Variants in SEMA6A observed in about 807,000 individuals in gnomAD.
SEMA6A encodes semaphorin 6A, also known as semaphorin-6A.
In SEMA6A, 25 loss-of-function variants were observed where a neutral mutation model predicts 96.8. The observed-to-expected ratio is 0.26, with a 90% CI of 0.19 to 0.36. The LOEUF is 0.36. Among genes scored for constraint, SEMA6A ranks in the 10% least tolerant of loss-of-function variants. The pLI is 1.00. For missense variants in SEMA6A, 1,363 were observed against 1,323.1 expected (o/e 1.03, Z -0.47); for synonymous variants, 612 against 518.0 (o/e 1.18, Z -2.46).
intron 1 of SEMA6A, among the ~76,000 whole-genome samples, chr5:116,525,829 C>T (rs1204781959): frequency 2.0e-5 from 3 of 152,106 alleles, no homozygotes; most frequent in Non-Finnish European, 2.9e-5. Flanking sequence ...AGGGAGGGGC[C>T]GTTTTACTTC....
chr5:116,490,452 A>G (rs563292319), intron 7 of SEMA6A, among the ~76,000 whole-genome samples: 6 of 152,300 alleles, frequency 3.9e-5, no homozygotes, highest in African/African-American at 1.4e-4. Context: ...CCAAGGCCCC[A>G]ACTAATGCAG....
chr5:116,504,165 T>C (rs1472848235), intron 2 of SEMA6A, among the ~76,000 whole-genome samples: 1 of 152,118 alleles, frequency 6.6e-6, no homozygotes, highest in Non-Finnish European at 1.5e-5. Flanking sequence ...AAAAAAATGC[T>C]CTCTTACATT....
chr5:116,572,640 A>C (rs1281973987), intron 1 of SEMA6A, among the ~76,000 whole-genome samples: 1 of 152,126 alleles, frequency 6.6e-6, no homozygotes, highest in African/African-American at 2.4e-5. Context: ...CCTTCCCCAC[A>C]GCCTCTGTCC....
At chr5:116,526,104 G>T (rs1287459200) in intron 1 of SEMA6A, among the ~76,000 whole-genome samples, 1 of 151,934 alleles carries the variant, frequency 6.6e-6, no homozygotes, top group Non-Finnish European at 1.5e-5. Flanking sequence ...TGGAGGGATG[G>T]CTCTTATTGG....
rs1342871360 is a variant in SEMA6A, at chr5:116,480,178, C to T, written c.1194G>A (p.Met398Ile). The change falls in exon 12 of 19, where the codon ATG (methionine) becomes ATA (isoleucine). Residue 398 changes from methionine (M) to isoleucine (I), a missense_variant. Physicochemically the swap from Met to Ile is conservative, Grantham distance 10. Transcript: ENST00000343348. ...TGAAGATGGAGGGCACTGCCTCATC[C>T]ATGAGCGGGTGCGTCTTGATGAAGT... Reference protein sequence around the residue: ...TLNFIKTHPLMDEAVPSIFNR... With the variant: ...TLNFIKTHPLIDEAVPSIFNR... 5.0e-6 allele frequency: 8 copies of T among 1,613,740 alleles called. No individual in the cohort carries two copies. Among genetic ancestry groups the T allele is most frequent in the African/African-American group, 1.3e-5 (1 of 74,936 alleles).
intron 1 of SEMA6A, among the ~76,000 whole-genome samples, chr5:116,551,869 G>A (rs1163792469): frequency 6.6e-6 from 1 of 152,172 alleles, no homozygotes; most frequent in Non-Finnish European, 1.5e-5. Flanking sequence ...AGTGTGTCTG[G>A]ACTGACAATG....
intron 1 of SEMA6A, among the ~76,000 whole-genome samples, chr5:116,548,788 A>G (rs1426128408): frequency 6.6e-6 from 1 of 152,220 alleles, no homozygotes; most frequent in Non-Finnish European, 1.5e-5. Context: ...TGTTCTGCAA[A>G]AGAGTTTTAT....
At chr5:116,544,162 TC>T (rs1393732255) in intron 1 of SEMA6A, among the ~76,000 whole-genome samples, 1 of 152,202 alleles carries the variant, frequency 6.6e-6, no homozygotes, top group African/African-American at 2.4e-5. Flanking sequence ...CTGAGACATT[TC>T]CTTTCTGATC....
intron 10 of SEMA6A, chr5:116,486,504 A>T (rs1367902387): frequency 1.1e-5 from 5 of 441,398 alleles, no homozygotes; most frequent in African/African-American, 2.0e-5. Flanking sequence ...GTGTTTATAT[A>T]CCAGGCTTAT....
At chr5:116,520,194 A>G (rs766332330) in intron 1 of SEMA6A, among the ~76,000 whole-genome samples, 1 of 151,474 alleles carries the variant, frequency 6.6e-6, no homozygotes, top group Non-Finnish European at 1.5e-5. Flanking sequence ...TCTTTCTTCC[A>G]AGATCATAAA....
chr5:116,473,023 T>G (rs1408008586), intron 17 of SEMA6A, 50 bp downstream of exon 17: 1 of 1,561,774 alleles, frequency 6.4e-7, no homozygotes, highest in Admixed American at 1.9e-5. Flanking sequence ...ATAGACATTC[T>G]CAGATAGGTT....
At chr5:116,561,782 T>G (rs1487892098) in intron 1 of SEMA6A, among the ~76,000 whole-genome samples, 1 of 152,192 alleles carries the variant, frequency 6.6e-6, no homozygotes, top group African/African-American at 2.4e-5. Flanking sequence ...AGGTTTTGTG[T>G]TTTTGACACA....
At chr5:116,517,293 C>CA (rs11400626) in intron 1 of SEMA6A, among the ~76,000 whole-genome samples, 17,630 of 139,636 alleles carry the variant, frequency 0.13, 1,176 homozygotes, top group South Asian at 0.24. Flanking sequence ...TAAAAAATTT[C>CA]AAAAAAAAAA....
intron 1 of SEMA6A, among the ~76,000 whole-genome samples, chr5:116,505,458 C>T (rs1319591541): frequency 2.4e-4 from 19 of 79,170 alleles, no homozygotes; most frequent in African/African-American, 7.7e-4. Context: ...CACACGCACG[C>T]GCACACACAC....
chr5:116,567,236 G>C (rs1761057219), intron 1 of SEMA6A, among the ~76,000 whole-genome samples: 1 of 151,932 alleles, frequency 6.6e-6, no homozygotes, highest in Non-Finnish European at 1.5e-5. Flanking sequence ...CTGTTTCCCT[G>C]CAAGTGATGT....
At chr5:116,573,661 C>T (rs2112931209) in intron 1 of SEMA6A, among the ~76,000 whole-genome samples, 1 of 151,850 alleles carries the variant, frequency 6.6e-6, no homozygotes, top group Middle Eastern at 3.4e-3. Context: ...AAAAGATTCT[C>T]TCCGCTTCCA....
chr5:116,502,090 T>A, intron 3 of SEMA6A, 120 bp downstream of exon 3: 1 of 709,264 alleles, frequency 1.4e-6, no homozygotes, highest in Non-Finnish European at 2.4e-6. Context: ...AAGGAGGCTT[T>A]AAGTTAAATA....
chr5:116,474,241 A>T (rs1226134565), intron 16 of SEMA6A, among the ~76,000 whole-genome samples: 1 of 151,786 alleles, frequency 6.6e-6, no homozygotes, highest in African/African-American at 2.4e-5. Context: ...GCTCATTAAC[A>T]TCAGCTAACT....
rs770314780 is a variant in SEMA6A, at chr5:116,447,717, G to A, written c.1989C>T (p.Ala663=). The A allele has an allele frequency of 5.6e-6, 9 of 1,613,958 alleles. No individual in the cohort carries two copies. The highest frequency in any genetic ancestry group is 2.2e-5 in the East Asian group (1 of 44,872). Residue 663 remains alanine (A), a synonymous_variant, in exon 19 of 19, where the codon GCC becomes GCT. Coordinates refer to ENST00000343348, the MANE Select transcript of SEMA6A (RefSeq NM_020796.5). Reference sequence around the variant, plus strand: ...AGTAGACGGTGATGCCCGAGAAGACGGCCCCCATGACGAAAGCCAGGATGA... The same window carrying A: ...AGTAGACGGTGATGCCCGAGAAGACAGCCCCCATGACGAAAGCCAGGATGA... ...IAVILAFVMG[A]VFSGITVYCV...
Sources: gnomAD v4.1 joint callset for allele counts (sites outside exome capture counted in the v4.1 genomes callset) on GRCh38, gnomAD v4.1.1 for gene constraint, MANE v1.5 for transcripts, NCBI Gene and HGNC (gene_info 2026-07-23, HGNC 2026-07-21) for gene names.